HIVEP2: variants seen among roughly 807,000 people sequenced by gnomAD.
The protein encoded by HIVEP2 is transcription factor HIVEP2.
HIVEP2 carries 14 observed loss-of-function variants against 180.7 expected under a neutral mutation model. The ratio of observed to expected loss-of-function variants is 0.08; its 90% confidence interval spans 0.05 to 0.12. The LOEUF (loss-of-function observed/expected upper bound fraction) is 0.12, where lower values mean the gene tolerates loss of function less well. Ranked by LOEUF, HIVEP2 falls within the 10% of genes least tolerant of loss-of-function variation. The pLI is 1.00. For missense variants in HIVEP2, 2,579 were observed against 3,008.5 expected (o/e 0.86, Z 3.34); for synonymous variants, 1,184 against 1,136.4 (o/e 1.04, Z -0.84).
intron 1 of HIVEP2, among the ~76,000 whole-genome samples, chr6:142,866,380 A>C (rs1388312358): frequency 6.6e-6 from 1 of 152,214 alleles, no homozygotes; most frequent in Non-Finnish European, 1.5e-5. Context: ...ATAATCATTG[A>C]TGCTCAATAA....
At chr6:142,902,022 CAAATAATAA>C (rs1314601908) in intron 1 of HIVEP2, among the ~76,000 whole-genome samples, 1 of 151,966 alleles carries the variant, frequency 6.6e-6, no homozygotes, top group African/African-American at 2.4e-5. Context: ...GATGATAACC[CAAATAATAA>C]AATAAATATC....
chr6:142,926,649 G>A (rs1312712407), intron 1 of HIVEP2, among the ~76,000 whole-genome samples: 2 of 152,202 alleles, frequency 1.3e-5, no homozygotes, highest in African/African-American at 4.8e-5. Context: ...CTCTGAGTCA[G>A]GGAGGTGCCA....
chr6:142,787,254 AT>A (rs1200872438), intron 2 of HIVEP2, among the ~76,000 whole-genome samples: 1 of 152,056 alleles, frequency 6.6e-6, no homozygotes, highest in African/African-American at 2.4e-5. Flanking sequence ...TCAAAAATAA[AT>A]AAATAAATAA....
At chr6:142,807,290 T>C (rs1776577922) in intron 2 of HIVEP2, among the ~76,000 whole-genome samples, 1 of 151,998 alleles carries the variant, frequency 6.6e-6, no homozygotes, top group Admixed American at 6.6e-5. Flanking sequence ...TTTAAGCAAA[T>C]AGGAAACTCA....
At chr6:142,833,473 T>C (rs1426451837) in intron 2 of HIVEP2, among the ~76,000 whole-genome samples, 1 of 152,166 alleles carries the variant, frequency 6.6e-6, no homozygotes, top group Non-Finnish European at 1.5e-5. Flanking sequence ...GGAAATACTA[T>C]GAAATGATAT....
intron 1 of HIVEP2, among the ~76,000 whole-genome samples, chr6:142,869,356 C>A (rs927212655): frequency 1.8e-4 from 28 of 152,024 alleles, no homozygotes; most frequent in African/African-American, 6.5e-4. Flanking sequence ...AAATTTTATT[C>A]CATAAAAACA....
intron 2 of HIVEP2, among the ~76,000 whole-genome samples, chr6:142,785,352 A>G (rs1775972472): frequency 7.2e-6 from 1 of 138,620 alleles, no homozygotes; most frequent in African/African-American, 2.6e-5. Context: ...AAAAAGAAGA[A>G]GAAGAAATCA....
chr6:142,793,678 TCTCTCTCTCTC>T (rs1776211300), intron 2 of HIVEP2, among the ~76,000 whole-genome samples: 1 of 142,606 alleles, frequency 7.0e-6, no homozygotes, highest in Non-Finnish European at 1.5e-5. Flanking sequence ...TTTCTTTCTC[TCTCTCTCTCTC>T]TCTCTCTCTG....
intron 1 of HIVEP2, among the ~76,000 whole-genome samples, chr6:142,932,185 A>G (rs566912541): frequency 9.9e-4 from 151 of 151,798 alleles, no homozygotes; most frequent in African/African-American, 3.4e-3. Flanking sequence ...GAGAATAGTG[A>G]CTCTTCTTTA....
At chr6:142,845,786 C>T (rs550062595) in intron 1 of HIVEP2, among the ~76,000 whole-genome samples, 1 of 152,352 alleles carries the variant, frequency 6.6e-6, no homozygotes, top group African/African-American at 2.4e-5. Context: ...GGAGGCTCCT[C>T]AGATTGACAG....
chr6:142,765,015 C>G, intron 6 of HIVEP2, 41 bp from the exon 7 acceptor site: 1 of 1,557,520 alleles, frequency 6.4e-7, no homozygotes, highest in Non-Finnish European at 8.8e-7. Context: ...TTCAAATATT[C>G]TTAGCATGCT....
intron 9 of HIVEP2, among the ~76,000 whole-genome samples, chr6:142,754,447 A>C (rs1390660786): frequency 6.6e-6 from 1 of 152,200 alleles, no homozygotes; most frequent in Non-Finnish European, 1.5e-5. Flanking sequence ...GGCTTTTTTA[A>C]AAAGTTTTCC....
intron 7 of HIVEP2, 133 bp from the exon 8 acceptor site, chr6:142,761,698 C>T: frequency 1.5e-6 from 1 of 665,180 alleles, no homozygotes; most frequent in South Asian, 1.7e-5. Context: ...TTGTTTCTAC[C>T]CACTACCCCT....
intron 2 of HIVEP2, among the ~76,000 whole-genome samples, chr6:142,822,704 A>G (rs1250230452): frequency 6.6e-6 from 1 of 152,212 alleles, no homozygotes; most frequent in African/African-American, 2.4e-5. Flanking sequence ...CAATGATTGC[A>G]TTGTGTCCCT....
chr6:142,780,033 T>C (rs905303123), intron 3 of HIVEP2, among the ~76,000 whole-genome samples: 5 of 152,232 alleles, frequency 3.3e-5, no homozygotes, highest in South Asian at 2.1e-4. Flanking sequence ...TCTATCACTT[T>C]ATTTTAAAAA....
intron 2 of HIVEP2, among the ~76,000 whole-genome samples, chr6:142,783,911 G>A (rs998742665): frequency 1.1e-4 from 16 of 152,132 alleles, no homozygotes; most frequent in African/African-American, 2.9e-4. Flanking sequence ...TCCATGATAC[G>A]GTTCTGCCAC....
At chr6:142,933,832 T>C (rs1777992228) in intron 1 of HIVEP2, among the ~76,000 whole-genome samples, 1 of 152,236 alleles carries the variant, frequency 6.6e-6, no homozygotes, top group South Asian at 2.1e-4. Flanking sequence ...AATTTACACT[T>C]GATTGAAGTT....
At chr6:142,944,892 T>C (rs1582984523) in intron 1 of HIVEP2, 1 of 152,346 alleles carries the variant, frequency 6.6e-6, no homozygotes, top group East Asian at 1.9e-4. Flanking sequence ...GCCTGAACCT[T>C]CCATCGAGAC....
At chr6:142,931,487 G>T (rs1288287798) in intron 1 of HIVEP2, among the ~76,000 whole-genome samples, 1 of 152,062 alleles carries the variant, frequency 6.6e-6, no homozygotes, top group African/African-American at 2.4e-5. Context: ...AAAGTAGGAG[G>T]TAGAAAAGGT....
Sources: allele counts gnomAD v4.1 joint callset (sites outside exome capture counted in the v4.1 genomes callset), GRCh38; gene constraint gnomAD v4.1.1; transcripts MANE v1.5; gene names NCBI Gene and HGNC (gene_info 2026-07-23, HGNC 2026-07-21).